Variants in MYO3B observed in about 807,000 individuals in gnomAD.
MYO3B encodes the protein myosin IIIB.
In MYO3B, 156 loss-of-function variants were observed where a neutral mutation model predicts 174.6. The ratio of observed to expected loss-of-function variants is 0.89; its 90% CI spans 0.78 to 1.02. MYO3B has a LOEUF of 1.02. MYO3B is among the 50% of genes least tolerant of loss of function. MYO3B has a pLI of 0.00. For missense variants in MYO3B, 1,632 were observed against 1,639.4 expected, an observed-to-expected ratio of 1.00 and a Z score of 0.08; for synonymous variants, 563 against 569.1, an observed-to-expected ratio of 0.99 and a Z score of 0.15.
chr2:170,319,883 G>A (rs2105491479), intron 7 of MYO3B, among the ~76,000 whole-genome samples: 1 of 152,212 alleles, frequency 6.6e-6, no homozygotes, highest in Admixed American at 6.5e-5. Context: ...TATTCAAAGT[G>A]CTGAAAAAGT....
At chr2:170,366,350 G>C (rs1408442884) in intron 8 of MYO3B, among the ~76,000 whole-genome samples, 2 of 152,078 alleles carry the variant, frequency 1.3e-5, no homozygotes, top group Non-Finnish European at 2.9e-5. Flanking sequence ...TGCCAGACTG[G>C]AGTGTAGTGG....
At chr2:170,268,795 C>T (rs2093403495) in intron 7 of MYO3B, among the ~76,000 whole-genome samples, 1 of 151,996 alleles carries the variant, frequency 6.6e-6, no homozygotes, top group South Asian at 2.1e-4. Flanking sequence ...ATATAAATAA[C>T]TTCTTCAAAT....
At chr2:170,574,010 A>G (rs72625222) in intron 32 of MYO3B, among the ~76,000 whole-genome samples, 9,520 of 152,246 alleles carry the variant, frequency 0.063, 484 homozygotes, top group East Asian at 0.25. Context: ...ATAATACAGG[A>G]AACTGAGGGC....
intron 32 of MYO3B, among the ~76,000 whole-genome samples, chr2:170,623,278 G>A (rs1252196482): frequency 6.6e-6 from 1 of 152,218 alleles, no homozygotes. Flanking sequence ...ACTGGTGTGA[G>A]ATGGTATCTC....
chr2:170,394,730 G>T (rs757655144), intron 16 of MYO3B, among the ~76,000 whole-genome samples: 1 of 152,170 alleles, frequency 6.6e-6, no homozygotes, highest in Admixed American at 6.5e-5. Context: ...GAAGAAGCAG[G>T]ATCTTCTCTC....
chr2:170,508,921 A>G (rs1399515945), intron 28 of MYO3B, among the ~76,000 whole-genome samples: 1 of 152,216 alleles, frequency 6.6e-6, no homozygotes, highest in Non-Finnish European at 1.5e-5. Context: ...ATATATGCAA[A>G]GCATCCTGCA....
chr2:170,285,416 T>G (rs1035879520), intron 7 of MYO3B, among the ~76,000 whole-genome samples: 13 of 152,024 alleles, frequency 8.6e-5, no homozygotes, highest in Admixed American at 6.6e-4. Flanking sequence ...TTGCCCAGGC[T>G]GGAGTGCAGT....
chr2:170,648,964 G>C (rs28866000), intron 32 of MYO3B, among the ~76,000 whole-genome samples: 1 of 43,732 alleles, frequency 2.3e-5, no homozygotes, highest in Non-Finnish European at 4.0e-5. Flanking sequence ...AATATATAAT[G>C]TATAATATAT....
intron 8 of MYO3B, among the ~76,000 whole-genome samples, chr2:170,360,902 C>G (rs1033721356): frequency 6.6e-6 from 1 of 152,198 alleles, no homozygotes; most frequent in African/African-American, 2.4e-5. Flanking sequence ...TCTTGGAATT[C>G]TCAGCCGTCA....
intron 24 of MYO3B, 59 bp from the exon 25 acceptor site, chr2:170,466,447 T>C: frequency 6.5e-7 from 1 of 1,535,132 alleles, no homozygotes; most frequent in Non-Finnish European, 9.0e-7. Context: ...GGGCCTGTGT[T>C]GTAACTATCC....
intron 1 of MYO3B, chr2:170,180,187 G>T (rs1338501186): frequency 6.8e-6 from 3 of 443,954 alleles, no homozygotes; most frequent in South Asian, 3.2e-5. Context: ...ACAAGGTAAG[G>T]CTGTACCTCC....
At chr2:170,325,880 T>A (rs1323422251) in intron 7 of MYO3B, among the ~76,000 whole-genome samples, 1 of 152,184 alleles carries the variant, frequency 6.6e-6, no homozygotes, top group Non-Finnish European at 1.5e-5. Context: ...ATCAGTTCTA[T>A]CTATAATAAA....
chr2:170,315,907 C>G (rs1053031448), intron 7 of MYO3B, among the ~76,000 whole-genome samples: 17 of 152,196 alleles, frequency 1.1e-4, no homozygotes, highest in African/African-American at 4.1e-4. Flanking sequence ...TGACTGGAAC[C>G]CTGATCCTGA....
At chr2:170,282,973 T>G (rs2093524437) in intron 7 of MYO3B, among the ~76,000 whole-genome samples, 1 of 152,130 alleles carries the variant, frequency 6.6e-6, no homozygotes, top group Non-Finnish European at 1.5e-5. Flanking sequence ...TGAATCCAAG[T>G]AGCATTTCAC....
intron 32 of MYO3B, among the ~76,000 whole-genome samples, chr2:170,626,126 G>C (rs10173423): frequency 0.079 from 11,965 of 152,106 alleles, 1,575 homozygotes; most frequent in African/African-American, 0.27. Flanking sequence ...TTTCTGTCTC[G>C]TTGATCTGTT....
intron 31 of MYO3B, among the ~76,000 whole-genome samples, 200 bp from the exon 32 acceptor site, chr2:170,543,692 A>C (rs918706441): frequency 1.3e-5 from 2 of 152,202 alleles, no homozygotes. Context: ...AGATGTTAAG[A>C]CTTGGCTTCT....
At chr2:170,519,670 GA>G (rs1688541660) in intron 30 of MYO3B, 130 bp downstream of exon 30, 1 of 800,114 alleles carries the variant, frequency 1.2e-6, no homozygotes, top group African/African-American at 1.7e-5. Context: ...GGAGAGAGTG[GA>G]ACCAAAAAGC....
At chr2:170,609,083 G>A (rs984876563) in intron 32 of MYO3B, among the ~76,000 whole-genome samples, 2 of 152,224 alleles carry the variant, frequency 1.3e-5, no homozygotes, top group Non-Finnish European at 2.9e-5. Flanking sequence ...ATATTTGGTT[G>A]TAATTAAGAG....
chr2:170,610,020 AC>A (rs1559156911), intron 32 of MYO3B, among the ~76,000 whole-genome samples: 1 of 152,232 alleles, frequency 6.6e-6, no homozygotes, highest in Non-Finnish European at 1.5e-5. Flanking sequence ...GACAGGTCAA[AC>A]AACCAATGCC....
Sources: gnomAD v4.1 joint callset for allele counts (sites outside exome capture counted in the v4.1 genomes callset) on GRCh38, gnomAD v4.1.1 for gene constraint, MANE v1.5 for transcripts, NCBI Gene and HGNC (gene_info 2026-07-23, HGNC 2026-07-21) for gene names.